SMYD3: variants seen among roughly 807,000 people sequenced by gnomAD.
The protein encoded by SMYD3 is SET and MYND domain containing 3.
Under a neutral mutation model 57.7 loss-of-function variants are expected in SMYD3, and 36 were observed. That is an observed-to-expected ratio of 0.62 (90% CI 0.48 to 0.82). SMYD3 has a LOEUF of 0.82. Among genes scored for constraint, SMYD3 ranks in the 40% least tolerant of loss-of-function variants. The probability of loss-of-function intolerance (pLI) is 0.00; values close to 1 mark genes in which losing one functional copy is unlikely to be tolerated. For missense variants in SMYD3, 515 were observed against 538.8 expected, an observed-to-expected ratio of 0.96 and a Z score of 0.44; for synonymous variants, 211 against 195.0, an observed-to-expected ratio of 1.08 and a Z score of -0.68.
chr1:245,981,958 C>A (rs2058606290), intron 5 of SMYD3, among the ~76,000 whole-genome samples: 1 of 152,234 alleles, frequency 6.6e-6, no homozygotes, highest in Non-Finnish European at 1.5e-5. Context: ...TCCAGCCTGG[C>A]TCTGGGTGCA....
chr1:246,269,975 A>G (rs2064188879), intron 5 of SMYD3, among the ~76,000 whole-genome samples: 1 of 152,200 alleles, frequency 6.6e-6, no homozygotes, highest in African/African-American at 2.4e-5. Flanking sequence ...AGAGTTTTCA[A>G]ATTGAAATGG....
intron 5 of SMYD3, among the ~76,000 whole-genome samples, chr1:246,223,865 T>G (rs1162820453): frequency 6.6e-6 from 1 of 152,178 alleles, no homozygotes. Flanking sequence ...ATTGCTAAAT[T>G]CTATAATTTC....
intron 5 of SMYD3, among the ~76,000 whole-genome samples, chr1:246,281,188 G>A (rs141340679): frequency 6.6e-6 from 1 of 152,324 alleles, no homozygotes; most frequent in East Asian, 1.9e-4. Context: ...CACCACACAG[G>A]TGAGAAGGAA....
At chr1:245,768,578 T>C (rs1216885333) in intron 10 of SMYD3, among the ~76,000 whole-genome samples, 1 of 152,246 alleles carries the variant, frequency 6.6e-6, no homozygotes, top group East Asian at 1.9e-4. Flanking sequence ...TTGGTTTGAA[T>C]GTGTTCCCTC....
chr1:246,320,027 T>C (rs75566429), intron 5 of SMYD3, among the ~76,000 whole-genome samples: 2,488 of 152,292 alleles, frequency 0.016, 30 homozygotes, highest in Non-Finnish European at 0.025. Flanking sequence ...ATCTTGAATA[T>C]AGTATCACGA....
chr1:246,184,103 C>T (rs1214135065), intron 5 of SMYD3, among the ~76,000 whole-genome samples: 2 of 152,180 alleles, frequency 1.3e-5, no homozygotes, highest in African/African-American at 4.8e-5. Context: ...GTATTTTTCC[C>T]TAAGTGGCAG....
chr1:246,239,222 T>C (rs1429812412), intron 5 of SMYD3, among the ~76,000 whole-genome samples: 2 of 152,188 alleles, frequency 1.3e-5, no homozygotes, highest in Non-Finnish European at 1.5e-5. Flanking sequence ...ACATTAGGTA[T>C]ATGTCCTAAT....
Position 245,976,836 on chromosome 1 carries a change from CTAGGGAAAG to C in SMYD3, c.532-46908_532-46900del, listed in dbSNP as rs1269544738. Among the ~76,000 whole-genome samples, 58 of 39,800 alleles carry C rather than the reference CTAGGGAAAG, an allele frequency of 1.5e-3. 5 individuals carry two copies. The highest frequency in any genetic ancestry group is 7.0e-3 in the Admixed American group (31 of 4,448). The allele number at this position is 39,800 out of a possible 152,430, so 26.1% of individuals were successfully genotyped here. ...CCTAGGGAAAGCCATCGTCTCTAGC[CTAGGGAAAG>C]CCATCGTCTCTAGCCTAGGGAAAGC... On this transcript the variant is annotated intron_variant, in intron 5 of 11. Coordinates refer to ENST00000490107, the MANE Select transcript of SMYD3 (RefSeq NM_001167740.2).
intron 5 of SMYD3, among the ~76,000 whole-genome samples, chr1:246,114,098 G>A (rs2061302975): frequency 6.6e-6 from 1 of 151,976 alleles, no homozygotes; most frequent in Non-Finnish European, 1.5e-5. Context: ...ATTATCAGGA[G>A]GAGAGAAAAG....
At chr1:246,328,426 T>A (rs2065394041) in intron 4 of SMYD3, among the ~76,000 whole-genome samples, 1 of 152,186 alleles carries the variant, frequency 6.6e-6, no homozygotes, top group South Asian at 2.1e-4. Flanking sequence ...TGAGTAGGGC[T>A]AATGTGAAGA....
At chr1:246,089,193 G>A (rs561841728) in intron 5 of SMYD3, among the ~76,000 whole-genome samples, 2 of 152,124 alleles carry the variant, frequency 1.3e-5, no homozygotes, top group South Asian at 4.2e-4. Context: ...TGCCCAGGCT[G>A]GTCTCAAACT....
intron 1 of SMYD3, among the ~76,000 whole-genome samples, chr1:246,476,347 A>G (rs765342355): frequency 3.3e-5 from 5 of 152,232 alleles, no homozygotes; most frequent in Non-Finnish European, 7.3e-5. Context: ...GGGCCAGTCC[A>G]ATCCACGCCT....
intron 1 of SMYD3, among the ~76,000 whole-genome samples, chr1:246,473,101 C>G (rs1238825974): frequency 4.6e-5 from 7 of 152,070 alleles, no homozygotes; most frequent in Non-Finnish European, 8.8e-5. Flanking sequence ...AGGTGATCCA[C>G]CTGCCTCGGC....
intron 7 of SMYD3, among the ~76,000 whole-genome samples, chr1:245,926,300 A>G (rs1371896001): frequency 6.6e-6 from 1 of 152,250 alleles, no homozygotes; most frequent in African/African-American, 2.4e-5. Flanking sequence ...TAAGACAAAG[A>G]GACACAGTGG....
chr1:246,481,607 T>TATATATATACACAC (rs1156393004), intron 1 of SMYD3, among the ~76,000 whole-genome samples: 8 of 61,968 alleles, frequency 1.3e-4, no homozygotes, highest in African/African-American at 3.9e-4. Context: ...TATATATATA[T>TATATATATACACAC]ACACATACAT....
At chr1:246,074,363 A>T (rs10458420) in intron 5 of SMYD3, among the ~76,000 whole-genome samples, 1 of 146,110 alleles carries the variant, frequency 6.8e-6, no homozygotes, top group Non-Finnish European at 1.5e-5. Context: ...GCCAAAAAAA[A>T]TTAAAAAAAA....
chr1:246,042,153 C>G (rs1025861922), intron 5 of SMYD3, among the ~76,000 whole-genome samples: 2 of 152,166 alleles, frequency 1.3e-5, no homozygotes, highest in African/African-American at 4.8e-5. Flanking sequence ...CTGGAAGGCA[C>G]AGCTACAAAG....
intron 5 of SMYD3, among the ~76,000 whole-genome samples, chr1:246,109,622 T>A (rs1375815626): frequency 6.6e-6 from 1 of 152,314 alleles, no homozygotes; most frequent in East Asian, 1.9e-4. Context: ...CATTTAAAAA[T>A]TCAGCTTTCA....
At chr1:246,073,493 G>A (rs779961288) in intron 5 of SMYD3, among the ~76,000 whole-genome samples, 2 of 152,084 alleles carry the variant, frequency 1.3e-5, no homozygotes, top group Non-Finnish European at 2.9e-5. Flanking sequence ...AAGGCGGGCA[G>A]ATCGCTTGAG....
Sources: allele counts gnomAD v4.1 joint callset (sites outside exome capture counted in the v4.1 genomes callset), GRCh38; gene constraint gnomAD v4.1.1; transcripts MANE v1.5; gene names NCBI Gene and HGNC (gene_info 2026-07-23, HGNC 2026-07-21).